The following RICTOR variants were observed in gnomAD, a reference collection of about 807,000 sequenced individuals.
RICTOR encodes RPTOR independent companion of MTOR complex 2, also known as rapamycin-insensitive companion of mTOR.
A neutral mutation model predicts 214.9 loss-of-function variants in RICTOR; 49 were observed. The observed-to-expected ratio is 0.23, with a 90% confidence interval of 0.18 to 0.29. RICTOR has a LOEUF of 0.29. RICTOR is among the 10% of genes least tolerant of loss of function. RICTOR has a pLI of 1.00. For missense variants in RICTOR, 1,625 were observed against 2,047.0 expected (o/e 0.79, Z 3.98); for synonymous variants, 717 against 711.3 (o/e 1.01, Z -0.13).
intron 2 of RICTOR, among the ~76,000 whole-genome samples, chr5:39,035,085 C>G (rs1398675377): frequency 6.6e-6 from 1 of 152,228 alleles, no homozygotes; most frequent in African/African-American, 2.4e-5. Flanking sequence ...CAGGGGCACA[C>G]TGACACCTCA....
At chr5:39,053,103 T>G (rs1357284728) in intron 2 of RICTOR, among the ~76,000 whole-genome samples, 1 of 152,222 alleles carries the variant, frequency 6.6e-6, no homozygotes, top group Non-Finnish European at 1.5e-5. Flanking sequence ...AATCACTAGC[T>G]AAATTTTTTC....
In RICTOR at chr5:38,991,396, C is replaced by A. The variant is rs76998536; in HGVS notation, c.457-321G>T. ...CTTAAACAGTTTTTCAGTACCTAGA[C>A]AAGGTAAACCAGAGGGGACAATAGT... On this transcript the variant is annotated intron_variant, in intron 6 of 37. Transcript: ENST00000357387. 6.0e-3 allele frequency among the ~76,000 whole-genome samples: 909 copies of A among 152,170 alleles called. 13 individuals are homozygous for A. The highest frequency in any genetic ancestry group is 0.019 in the African/African-American group (797 of 41,526).
chr5:38,994,374 T>C (rs1554068934), intron 6 of RICTOR, among the ~76,000 whole-genome samples: 1 of 136,082 alleles, frequency 7.3e-6, no homozygotes. Flanking sequence ...CCAAGCGTTT[T>C]GGATAAGGAA....
chr5:39,029,170 T>C (rs1756083976), intron 2 of RICTOR, among the ~76,000 whole-genome samples: 1 of 152,290 alleles, frequency 6.6e-6, no homozygotes, highest in Non-Finnish European at 1.5e-5. Flanking sequence ...TAGTGGATAA[T>C]TATTGAATGA....
intron 2 of RICTOR, among the ~76,000 whole-genome samples, chr5:39,049,886 C>A (rs13182733): frequency 3.3e-5 from 5 of 151,864 alleles, no homozygotes; most frequent in Non-Finnish European, 7.4e-5. Flanking sequence ...GTTTAACAAC[C>A]AAGAAAGATA....
At chr5:39,057,346 G>C in intron 2 of RICTOR, among the ~76,000 whole-genome samples, 1 of 152,062 alleles carries the variant, frequency 6.6e-6, no homozygotes, top group East Asian at 1.9e-4. Context: ...AAAAGAAAAC[G>C]ACATCTACTT....
At chr5:39,007,182 A>G (rs929616824) in intron 3 of RICTOR, among the ~76,000 whole-genome samples, 3 of 152,322 alleles carry the variant, frequency 2.0e-5, no homozygotes, top group South Asian at 4.1e-4. Context: ...CTACTATAAC[A>G]TATGTCACAG....
chr5:38,994,931 G>A (rs1333187680), intron 6 of RICTOR, among the ~76,000 whole-genome samples: 1 of 152,156 alleles, frequency 6.6e-6, no homozygotes, highest in Admixed American at 6.5e-5. Flanking sequence ...CAGAGATTCT[G>A]CATAGCAATA....
At chr5:39,017,379 C>G (rs1755040927) in intron 3 of RICTOR, among the ~76,000 whole-genome samples, 1 of 152,018 alleles carries the variant, frequency 6.6e-6, no homozygotes, top group East Asian at 1.9e-4. Flanking sequence ...CATTTTGCAA[C>G]CTTGGAACAA....
chr5:39,046,028 A>AAAATAAATAAATAAATAAATAAAT lies in RICTOR; in HGVS notation c.98-24916_98-24893dup, dbSNP rs141969707. The stretch of plus-strand genomic sequence containing the variant: ...GTCTCTTTCACTAGCTCTGTCTTTA[A>AAAATAAATAAATAAATAAATAAAT]AAATAAATAAATAAATAAATAAATA... On this transcript the variant is annotated intron_variant, in intron 2 of 37. Transcript: ENST00000357387. 7.2e-4 allele frequency among the ~76,000 whole-genome samples: 101 copies of AAAATAAATAAATAAATAAATAAAT among 140,268 alleles called. 1 individual carries two copies. Among genetic ancestry groups the AAAATAAATAAATAAATAAATAAAT allele is most frequent in the East Asian group, 2.5e-3 (12 of 4,878 alleles). 92.0% of individuals were successfully genotyped at this position (140,268 alleles called of 152,430 possible).
chr5:38,950,488 T>C lies in RICTOR; in HGVS notation c.3360A>G (p.Leu1120=), dbSNP rs764985985. Reference sequence around the variant, plus strand: ...TGTTGCTTGTCTTACTTTCAGATGATAATTTCCCTCCTTTTGGATCACTGC... The same window carrying C: ...TGTTGCTTGTCTTACTTTCAGATGACAATTTCCCTCCTTTTGGATCACTGC... ...RSSSDPKGGK[L]SSESKTSNRR... Residue 1120 remains leucine (L), a synonymous_variant, in exon 31 of 38, where the codon TTA becomes TTG. Coordinates refer to ENST00000357387, the MANE Select transcript of RICTOR (RefSeq NM_152756.5). 13 of 1,613,530 alleles carry C rather than the reference T, an allele frequency of 8.1e-6. No homozygotes were observed. Among genetic ancestry groups the C allele is most frequent in the South Asian group, 3.3e-5 (3 of 91,056 alleles).
intron 7 of RICTOR, among the ~76,000 whole-genome samples, chr5:38,982,501 G>T (rs868340078): frequency 6.6e-6 from 1 of 151,988 alleles, no homozygotes; most frequent in Non-Finnish European, 1.5e-5. Flanking sequence ...ATTTGCATAC[G>T]TGCATGTGTA....
At chr5:39,058,197 C>CA (rs998041326) in intron 2 of RICTOR, among the ~76,000 whole-genome samples, 2 of 151,622 alleles carry the variant, frequency 1.3e-5, no homozygotes, top group African/African-American at 2.4e-5. Flanking sequence ...CTGAAAACAA[C>CA]AAAAAAATCT....
At chr5:39,058,931 A>C (rs910647672) in intron 2 of RICTOR, among the ~76,000 whole-genome samples, 1 of 152,152 alleles carries the variant, frequency 6.6e-6, no homozygotes, top group African/African-American at 2.4e-5. Flanking sequence ...CTATCTAGAC[A>C]TATTATTAAC....
At chr5:39,010,931 A>C (rs1035774983) in intron 3 of RICTOR, among the ~76,000 whole-genome samples, 2 of 152,228 alleles carry the variant, frequency 1.3e-5, no homozygotes, top group Admixed American at 6.5e-5. Flanking sequence ...GATGCAACAG[A>C]AAAGAAAAAC....
At chr5:38,980,968 A>ATT (rs2150059820) in intron 8 of RICTOR, 1 of 152,344 alleles carries the variant, frequency 6.6e-6, no homozygotes, top group South Asian at 2.1e-4. Flanking sequence ...ATATTATAAA[A>ATT]TATCAACAGT....
intron 2 of RICTOR, among the ~76,000 whole-genome samples, chr5:39,040,814 C>T (rs563155654): frequency 6.6e-6 from 1 of 152,300 alleles, no homozygotes; most frequent in East Asian, 1.9e-4. Context: ...AATTTCAATG[C>T]TCCTCATCTG....
chr5:39,048,479 C>A (rs927383399), intron 2 of RICTOR, among the ~76,000 whole-genome samples: 1 of 152,170 alleles, frequency 6.6e-6, no homozygotes, highest in African/African-American at 2.4e-5. Context: ...AGGCTACCTA[C>A]TTGGCAATTC....
intron 2 of RICTOR, among the ~76,000 whole-genome samples, chr5:39,028,168 T>A (rs1005896471): frequency 7.7e-5 from 11 of 142,912 alleles, no homozygotes; most frequent in Non-Finnish European, 1.4e-4. Flanking sequence ...ATGGAGCAAC[T>A]GGAATTCTTT....
Sources: allele counts gnomAD v4.1 joint callset (sites outside exome capture counted in the v4.1 genomes callset), GRCh38; gene constraint gnomAD v4.1.1; transcripts MANE v1.5; gene names NCBI Gene and HGNC (gene_info 2026-07-23, HGNC 2026-07-21).